The following CLCN3 variants were observed in gnomAD, a reference collection of about 807,000 sequenced individuals.
CLCN3 encodes Cl-/H+ antiporter 3.
Under a neutral mutation model 83.4 loss-of-function variants are expected in CLCN3, and 16 were observed. The observed-to-expected ratio is 0.19, with a 90% CI of 0.13 to 0.29. The LOEUF is 0.29. Ranked by LOEUF, CLCN3 falls within the 10% of genes least tolerant of loss-of-function variation. The probability of loss-of-function intolerance (pLI) is 1.00; values close to 1 mark genes in which losing one functional copy is unlikely to be tolerated. For missense variants in CLCN3, 544 were observed against 1,006.0 expected (o/e 0.54, Z 6.21); for synonymous variants, 322 against 346.2 (o/e 0.93, Z 0.78).
At chr4:169,659,853 A>C (rs765071669) in intron 2 of CLCN3, among the ~76,000 whole-genome samples, 56 of 152,246 alleles carry the variant, frequency 3.7e-4, no homozygotes, top group Non-Finnish European at 7.2e-4. Flanking sequence ...AAAACCACAC[A>C]AACTTACTAG....
chr4:169,621,715 A>G (rs1773117016), intron 1 of CLCN3, among the ~76,000 whole-genome samples: 1 of 152,240 alleles, frequency 6.6e-6, no homozygotes, highest in African/African-American at 2.4e-5. Context: ...TATGCAGTTC[A>G]GTTACTGCAG....
At chr4:169,693,030 A>G (rs996784697) in intron 7 of CLCN3, among the ~76,000 whole-genome samples, 22 of 152,232 alleles carry the variant, frequency 1.4e-4, no homozygotes, top group African/African-American at 5.3e-4. Flanking sequence ...CCTATTTTCC[A>G]AATCTAAATC....
At chr4:169,679,969 A>G in intron 2 of CLCN3, 81 bp from the exon 3 acceptor site, 3 of 1,092,376 alleles carry the variant, frequency 2.7e-6, no homozygotes, top group Non-Finnish European at 4.2e-6. Flanking sequence ...TGTATGACTT[A>G]ATAATGAATT....
At chr4:169,700,081 C>T (rs35951896) in intron 9 of CLCN3, among the ~76,000 whole-genome samples, 28,865 of 152,030 alleles carry the variant, frequency 0.19, 3,521 homozygotes, top group South Asian at 0.31. Context: ...TGTTAAGTCC[C>T]ACCTTTGACT....
At chr4:169,630,134 T>A (rs1773332693) in intron 1 of CLCN3, among the ~76,000 whole-genome samples, 1 of 152,216 alleles carries the variant, frequency 6.6e-6, no homozygotes, top group Non-Finnish European at 1.5e-5. Flanking sequence ...TTAATTCTTT[T>A]TTATTTTTAC....
intron 1 of CLCN3, among the ~76,000 whole-genome samples, chr4:169,623,295 G>A (rs1020787975): frequency 1.1e-4 from 17 of 152,114 alleles, no homozygotes; most frequent in African/African-American, 3.6e-4. Flanking sequence ...TTGTATGTGT[G>A]TTTATTCCGT....
chr4:169,628,920 TAAAC>T (rs1047739480), intron 1 of CLCN3, among the ~76,000 whole-genome samples: 1 of 152,228 alleles, frequency 6.6e-6, no homozygotes, highest in African/African-American at 2.4e-5. Flanking sequence ...GGTGAATGGT[TAAAC>T]AAACTGTGGC....
At chr4:169,652,411 G>T (rs910858671) in intron 2 of CLCN3, among the ~76,000 whole-genome samples, 9 of 152,108 alleles carry the variant, frequency 5.9e-5, no homozygotes, top group Non-Finnish European at 1.3e-4. Context: ...TTTGTTTCTT[G>T]GTTTCACACA....
In CLCN3 at chr4:169,707,186, A is replaced by G; in HGVS notation, c.2069A>G (p.Asn690Ser). 3.7e-6 allele frequency: 6 copies of G among 1,613,908 alleles called. No homozygotes were observed. Among genetic ancestry groups the G allele is most frequent in the Non-Finnish European group, 5.1e-6 (6 of 1,179,778 alleles). Residue 690 changes from asparagine (N) to serine (S), a missense_variant, in exon 11 of 13, where the codon AAT becomes AGT. Asn to Ser is a conservative substitution (Grantham distance 46). This residue lies in a region of CLCN3 where 142 missense variants were observed against 225.0 expected (regional missense o/e 0.63). Transcript: ENST00000513761. ...IENMINETSY[N>S]GFPVIMSKES... is the part of the protein sequence containing the mutation. ...AACATGATTAATGAAACCAGCTACAATGGATTTCCTGTCATAATGTCAAAA... is the reference window on the plus strand; with the variant it reads ...AACATGATTAATGAAACCAGCTACAGTGGATTTCCTGTCATAATGTCAAAA...
chr4:169,680,232 T>A (rs1731883480), intron 3 of CLCN3, 25 bp downstream of exon 3: 1 of 1,568,496 alleles, frequency 6.4e-7, no homozygotes, highest in Non-Finnish European at 8.7e-7. Flanking sequence ...TAAAAATTTT[T>A]AAAAACATAG....
intron 11 of CLCN3, among the ~76,000 whole-genome samples, chr4:169,712,757 TC>T (rs1733271688): frequency 6.6e-6 from 1 of 152,182 alleles, no homozygotes; most frequent in Non-Finnish European, 1.5e-5. Context: ...GGTTTTAAAA[TC>T]CCGTATTCCA....
At chr4:169,718,542 C>T (rs147149856) in intron 12 of CLCN3, among the ~76,000 whole-genome samples, 18 of 152,226 alleles carry the variant, frequency 1.2e-4, no homozygotes, top group South Asian at 4.1e-4. Flanking sequence ...GTTTCTGGAA[C>T]GCTATAAGCA....
At position 169,620,949 on chromosome 4, in the gene CLCN3, A is replaced by G. The variant is rs1270927979; in HGVS notation, c.-131A>G. On this transcript the variant is annotated 5_prime_UTR_variant, in exon 1 of 13. Transcript: ENST00000513761. ...AAATCGCGATAGTTTTCGCTGTGTC[A>G]GGCTTTCTTCGGTGGAGCTCCGAGG... The G allele has an allele frequency of 7.5e-6, 3 of 398,274 alleles. No homozygotes were observed. Among genetic ancestry groups the G allele is most frequent in the Admixed American group, 4.4e-5 (1 of 22,702 alleles). 24.7% of individuals were successfully genotyped at this position (398,274 alleles called of 1,614,324 possible).
chr4:169,714,096 A>G (rs1263579308), intron 12 of CLCN3, among the ~76,000 whole-genome samples: 6 of 152,134 alleles, frequency 3.9e-5, no homozygotes, highest in African/African-American at 1.2e-4. Context: ...GTTTCTCCAC[A>G]CTTCTTTCTT....
At chr4:169,636,735 G>GTTTTTTTTTTTT (rs67900605) in intron 2 of CLCN3, among the ~76,000 whole-genome samples, 1 of 119,520 alleles carries the variant, frequency 8.4e-6, no homozygotes, top group African/African-American at 3.0e-5. Flanking sequence ...TCATTATTTG[G>GTTTTTTTTTTTT]TTTTTTTTTT....
Position 169,690,439 on chromosome 4 carries a change from C to T in CLCN3, c.607-91C>T, listed in dbSNP as rs1732323906. On this transcript the variant is annotated intron_variant, in intron 5 of 12. Coordinates refer to ENST00000513761, the MANE Select transcript of CLCN3 (RefSeq NM_001829.4). ...GGATTACAGGCGTGAGCCACCATGC[C>T]TGGCCGTTTACTGAAGTTTCTTATG... 9 of 1,352,654 alleles carry T rather than the reference C, an allele frequency of 6.7e-6. No individual in the cohort carries two copies. The East Asian group carries it at 7.1e-5, about 11-fold the overall frequency. 83.8% of individuals were successfully genotyped at this position (1,352,654 alleles called of 1,614,324 possible).
chr4:169,698,794 T>C (rs1732666613), intron 9 of CLCN3, among the ~76,000 whole-genome samples: 1 of 152,238 alleles, frequency 6.6e-6, no homozygotes, highest in Non-Finnish European at 1.5e-5. Flanking sequence ...ATTAAGGTGT[T>C]CGTAGGGCAT....
At chr4:169,640,202 C>A (rs748304531) in intron 2 of CLCN3, among the ~76,000 whole-genome samples, 44 of 151,882 alleles carry the variant, frequency 2.9e-4, no homozygotes, top group Non-Finnish European at 5.4e-4. Context: ...GACTCTGTAC[C>A]CCCAACGTAA....
rs1241445776 is a variant in CLCN3, at chr4:169,676,741, A to C, written c.161-3309A>C. Among the ~76,000 whole-genome samples the C allele has an allele frequency of 6.1e-5, 9 of 148,238 alleles. No individual in the cohort carries two copies. The Admixed American group carries it at 6.2e-4, about 10-fold the overall frequency. ...TCAAATTCCTGAGCTCAAGCAATCC[A>C]CCCATCTCAGCCTCCCAAAATGCTG... On this transcript the variant is annotated intron_variant, in intron 2 of 12. Coordinates refer to ENST00000513761, the MANE Select transcript of CLCN3 (RefSeq NM_001829.4).
Sources: gnomAD v4.1 joint callset for allele counts (sites outside exome capture counted in the v4.1 genomes callset) on GRCh38, gnomAD v4.1.1 for gene constraint, gnomAD v4.1.1 regional missense constraint, MANE v1.5 for transcripts, NCBI Gene and HGNC (gene_info 2026-07-23, HGNC 2026-07-21) for gene names.